R3HDM1: variants seen among roughly 807,000 people sequenced by gnomAD.
R3HDM1 encodes R3H domain-containing protein 1.
Under a neutral mutation model 141.1 loss-of-function variants are expected in R3HDM1, and 46 were observed. The ratio of observed to expected loss-of-function variants is 0.33; its 90% CI spans 0.26 to 0.42. The LOEUF is 0.42. Among genes scored for constraint, R3HDM1 ranks in the 10% least tolerant of loss-of-function variants. The pLI is 1.00. For missense variants in R3HDM1, 1,184 were observed against 1,368.3 expected (o/e 0.87, Z 2.12); for synonymous variants, 435 against 472.9 (o/e 0.92, Z 1.04).
At chr2:135,712,637 TC>T (rs1214243040) in intron 23 of R3HDM1, among the ~76,000 whole-genome samples, 3 of 151,730 alleles carry the variant, frequency 2.0e-5, no homozygotes, top group Admixed American at 1.3e-4. Context: ...TCCCAGCACT[TC>T]CGGCCGGGCA....
chr2:135,587,393 T>G (rs1708181457), intron 1 of R3HDM1, among the ~76,000 whole-genome samples: 1 of 152,194 alleles, frequency 6.6e-6, no homozygotes, highest in South Asian at 2.1e-4. Context: ...AAAACAATTA[T>G]TTTGTTCTTA....
Position 135,566,820 on chromosome 2 carries a change from A to T in R3HDM1, c.-250+35187A>T, listed in dbSNP as rs1012068217. The T allele has an allele frequency of 4.3e-4, 415 of 954,826 alleles. 1 individual carries two copies. The highest frequency in any genetic ancestry group is 4.9e-4 in the Non-Finnish European group (397 of 802,146). The allele number at this position is 954,826 out of a possible 1,614,324, so 59.1% of individuals were successfully genotyped here. The stretch of plus-strand genomic sequence containing the variant: ...GAAACCCCGTCTCTACAAAAATACG[A>T]AAATTAGCCAGCATGATGGCGGGTA... On this transcript the variant is annotated intron_variant, in intron 1 of 26. Coordinates refer to ENST00000683871, the MANE Select transcript of R3HDM1 (RefSeq NM_001378107.1).
intron 1 of R3HDM1, among the ~76,000 whole-genome samples, chr2:135,551,784 A>G (rs1243383511): frequency 6.6e-6 from 1 of 152,188 alleles, no homozygotes; most frequent in Non-Finnish European, 1.5e-5. Context: ...AGCTTTTTAA[A>G]TTTTTTGAGT....
Position 135,597,262 on chromosome 2 carries a change from G to A in R3HDM1, c.-249-5238G>A, listed in dbSNP as rs2059270548. 4.1e-6 allele frequency: 4 copies of A among 978,620 alleles called. No individual in the cohort carries two copies. The Admixed American group carries it at 2.5e-4, about 60-fold the overall frequency. The allele number at this position is 978,620 out of a possible 1,614,324, so 60.6% of individuals were successfully genotyped here. A position where few individuals can be genotyped will look rare whatever the true frequency, so the allele number is the denominator to read the frequency against. The stretch of plus-strand genomic sequence containing the variant: ...GGTTTAACGAACTCTTTTAGGTCAA[G>A]GGAGTTCATTCTCTTTACTCTTTTT... On this transcript the variant is annotated intron_variant, in intron 1 of 26. Coordinates refer to ENST00000683871, the MANE Select transcript of R3HDM1 (RefSeq NM_001378107.1).
chr2:135,723,162 C>G (rs1306806528), intron 26 of R3HDM1, among the ~76,000 whole-genome samples: 3 of 151,708 alleles, frequency 2.0e-5, no homozygotes, highest in Non-Finnish European at 4.4e-5. Flanking sequence ...ATTCTTGTTG[C>G]CCATGCTGGA....
chr2:135,549,712 G>C (rs533570988), intron 1 of R3HDM1, among the ~76,000 whole-genome samples: 1 of 152,064 alleles, frequency 6.6e-6, no homozygotes, highest in East Asian at 1.9e-4. Flanking sequence ...CAGAAAACAG[G>C]TTAGAGTTTA....
At chr2:135,548,585 C>A (rs551058670) in intron 1 of R3HDM1, among the ~76,000 whole-genome samples, 3 of 152,052 alleles carry the variant, frequency 2.0e-5, no homozygotes, top group East Asian at 3.8e-4. Flanking sequence ...ATCGCCCCCC[C>A]ACCCCATACC....
chr2:135,585,836 T>A (rs1310741896), intron 1 of R3HDM1, among the ~76,000 whole-genome samples: 1 of 152,224 alleles, frequency 6.6e-6, no homozygotes, highest in Non-Finnish European at 1.5e-5. Flanking sequence ...AAGCTTCTTT[T>A]AATTTTAGCA....
intron 6 of R3HDM1, chr2:135,622,043 G>A: frequency 1.0e-6 from 1 of 984,274 alleles, no homozygotes; most frequent in Non-Finnish European, 1.2e-6. Flanking sequence ...ACCTAGCATT[G>A]CAGATCAATA....
At chr2:135,558,907 C>A in intron 1 of R3HDM1, 1 of 672,208 alleles carries the variant, frequency 1.5e-6, no homozygotes, top group Non-Finnish European at 1.8e-6. Context: ...TTTAGGATTC[C>A]TTAAGGGTTT....
chr2:135,532,689 TC>T (rs1695171003), intron 1 of R3HDM1, among the ~76,000 whole-genome samples: 1 of 152,152 alleles, frequency 6.6e-6, no homozygotes, highest in East Asian at 1.9e-4. Flanking sequence ...AAACTGAAAG[TC>T]TACCCATTTA....
At chr2:135,573,243 C>A (rs1016968392) in intron 1 of R3HDM1, among the ~76,000 whole-genome samples, 2 of 152,144 alleles carry the variant, frequency 1.3e-5, no homozygotes, top group African/African-American at 4.8e-5. Flanking sequence ...TCTACTGCCT[C>A]CCAATTTTCC....
At chr2:135,582,263 G>A (rs558447796) in intron 1 of R3HDM1, among the ~76,000 whole-genome samples, 10 of 152,110 alleles carry the variant, frequency 6.6e-5, no homozygotes, top group African/African-American at 1.9e-4. Context: ...CCCGGGAGGC[G>A]GAGGTTGCAG....
rs577457311 is a variant in R3HDM1, at chr2:135,549,509, C to T, written c.-250+17876C>T. Among the ~76,000 whole-genome samples, 12 of 144,612 alleles carry T rather than the reference C, an allele frequency of 8.3e-5. No homozygotes were observed. The East Asian group carries it at 1.0e-3, about 12-fold the overall frequency. 94.9% of individuals were successfully genotyped at this position (144,612 alleles called of 152,430 possible). On this transcript the variant is annotated intron_variant, in intron 1 of 26. Transcript: ENST00000683871. ...TCGGGAGGCGGATATTGCAGTAAGC[C>T]GACATTGCGCCATTGCACTCCAGCC...
At position 135,679,438 on chromosome 2, in the gene R3HDM1, C is replaced by T. The variant is rs542105801; in HGVS notation, c.2308-735C>T. Among the ~76,000 whole-genome samples the T allele has an allele frequency of 1.1e-4, 17 of 152,250 alleles. No homozygotes were observed. The East Asian group carries it at 3.3e-3, about 29-fold the overall frequency. Reference sequence around the variant, plus strand: ...TAAGGAGCCTCAGAATAGTCACTTGCCCAATATCACTTAGATAGATGGCTG... The same window carrying T: ...TAAGGAGCCTCAGAATAGTCACTTGTCCAATATCACTTAGATAGATGGCTG... On this transcript the variant is annotated intron_variant, in intron 20 of 26. Coordinates refer to ENST00000683871, the MANE Select transcript of R3HDM1 (RefSeq NM_001378107.1).
At chr2:135,696,678 G>T (rs1455090291) in intron 21 of R3HDM1, among the ~76,000 whole-genome samples, 2 of 151,914 alleles carry the variant, frequency 1.3e-5, no homozygotes, top group African/African-American at 4.8e-5. Context: ...TTTTTTTAAA[G>T]ATAGGATCTC....
intron 17 of R3HDM1, 188 bp downstream of exon 17, chr2:135,650,191 C>T (rs1396214326): frequency 1.0e-6 from 1 of 969,506 alleles, no homozygotes; most frequent in Non-Finnish European, 1.2e-6. Flanking sequence ...GTTATAGTGG[C>T]TTATTATGGT....
At chr2:135,699,041 A>ATT (rs2073800386) in intron 21 of R3HDM1, among the ~76,000 whole-genome samples, 1 of 67,962 alleles carries the variant, frequency 1.5e-5, no homozygotes, top group Admixed American at 1.6e-4. Flanking sequence ...ATAGATAGAT[A>ATT]GATAAGATAG....
intron 21 of R3HDM1, among the ~76,000 whole-genome samples, chr2:135,696,290 C>T (rs1461866507): frequency 6.6e-6 from 1 of 152,140 alleles, no homozygotes; most frequent in African/African-American, 2.4e-5. Context: ...TCTCTGTTGA[C>T]AGCAGACAGA....
Sources: gnomAD v4.1 joint callset for allele counts (sites outside exome capture counted in the v4.1 genomes callset) on GRCh38, gnomAD v4.1.1 for gene constraint, MANE v1.5 for transcripts, NCBI Gene and HGNC (gene_info 2026-07-23, HGNC 2026-07-21) for gene names.